HDLBP: variants seen among roughly 807,000 people sequenced by gnomAD.
HDLBP encodes the protein high density lipoprotein binding protein, also known as vigilin.
A neutral mutation model predicts 137.3 loss-of-function variants in HDLBP; 30 were observed. The observed-to-expected ratio is 0.22, with a 90% CI of 0.16 to 0.30. HDLBP has a LOEUF of 0.30. HDLBP is among the 10% of genes least tolerant of loss of function. HDLBP has a pLI of 1.00. For missense variants in HDLBP, 1,119 were observed against 1,667.3 expected (o/e 0.67, Z 5.73); for synonymous variants, 606 against 596.0 (o/e 1.02, Z -0.24).
chr2:241,255,315 C>T, intron 8 of HDLBP, 59 bp downstream of exon 8: 2 of 1,503,818 alleles, frequency 1.3e-6, no homozygotes, highest in East Asian at 2.3e-5. Flanking sequence ...AGAGCTCATC[C>T]ATGAAGGCCC....
Position 241,233,785 on chromosome 2 carries a change from C to T in HDLBP, c.3288+35G>A, listed in dbSNP as rs1336572163. On this transcript the variant is annotated intron_variant, in intron 24 of 27. Transcript: ENST00000310931. This position sits in a 1 kb window ranked among gnomAD's most constrained non-coding sequence, Gnocchi z 4.3. ...AGTCACAGGAAAGGTCAACAAGCACCTCTGCCCCCGACACGCTCCAACCGA... is the reference window on the plus strand; with the variant it reads ...AGTCACAGGAAAGGTCAACAAGCACTTCTGCCCCCGACACGCTCCAACCGA... 10 of 1,613,180 alleles carry T rather than the reference C, an allele frequency of 6.2e-6. No homozygotes were observed. Among genetic ancestry groups the T allele is most frequent in the Non-Finnish European group, 8.5e-6 (10 of 1,179,740 alleles).
At chr2:241,307,597 C>T (rs1311164638) in intron 1 of HDLBP, among the ~76,000 whole-genome samples, 2 of 151,976 alleles carry the variant, frequency 1.3e-5, no homozygotes, top group African/African-American at 2.4e-5. Flanking sequence ...AAACTGGCAA[C>T]CCCCCCATGA....
At chr2:241,246,558 AG>A (rs1490018302) in intron 16 of HDLBP, 193 bp downstream of exon 16, 3 of 579,084 alleles carry the variant, frequency 5.2e-6, no homozygotes, top group Non-Finnish European at 9.1e-6. Flanking sequence ...TGCAGGGTCC[AG>A]GTAAGTAAGT....
chr2:241,301,961 T>C (rs1410702371), intron 1 of HDLBP, among the ~76,000 whole-genome samples: 1 of 151,942 alleles, frequency 6.6e-6, no homozygotes, highest in Non-Finnish European at 1.5e-5. Context: ...CCAGGCACAG[T>C]GGCTCACACC....
intron 2 of HDLBP, among the ~76,000 whole-genome samples, chr2:241,267,397 T>A (rs1417634911): frequency 6.6e-6 from 1 of 152,014 alleles, no homozygotes; most frequent in African/African-American, 2.4e-5. Flanking sequence ...CTTGGGGCAG[T>A]CTGCATCCAT....
At chr2:241,270,618 C>A (rs889200754) in intron 1 of HDLBP, among the ~76,000 whole-genome samples, 1 of 152,178 alleles carries the variant, frequency 6.6e-6, no homozygotes, top group Non-Finnish European at 1.5e-5. Context: ...GCTCCCAATC[C>A]AGTGAGGCAC....
At chr2:241,254,634 G>A (rs370088876) in intron 9 of HDLBP, among the ~76,000 whole-genome samples, 2 of 151,960 alleles carry the variant, frequency 1.3e-5, no homozygotes, top group African/African-American at 2.4e-5. Flanking sequence ...ACAGGTGCCC[G>A]CCACCAAGCC....
At position 241,262,761 on chromosome 2, in the gene HDLBP, C is replaced by G. The variant is rs745470341; in HGVS notation, c.400G>C (p.Asp134His). The G allele has an allele frequency of 6.2e-7, 1 of 1,614,190 alleles. No homozygotes were observed. The highest frequency in any genetic ancestry group is 1.3e-5 in the African/African-American group (1 of 75,048). ...GLSIMVSGKL[D>H]AVMKARKDIV... ...TCCTTCCGAGCTTTCATGACAGCATCCAGCTTTCCTGACACCATGATGGAG... is the reference window on the plus strand; with the variant it reads ...TCCTTCCGAGCTTTCATGACAGCATGCAGCTTTCCTGACACCATGATGGAG... The change falls in exon 5 of 28, where the codon GAT (aspartate) becomes CAT (histidine). Residue 134 changes from aspartate (D) to histidine (H), a missense_variant. Asp to His is a moderately conservative substitution (Grantham distance 81). Around this residue, in one of 4 missense-constraint regions of HDLBP, gnomAD observed 425 missense variants for 693.9 expected, o/e 0.61. Transcript: ENST00000310931.
chr2:241,258,979 C>A (rs1337671924), intron 5 of HDLBP, among the ~76,000 whole-genome samples: 1 of 152,112 alleles, frequency 6.6e-6, no homozygotes, highest in Non-Finnish European at 1.5e-5. Flanking sequence ...GAATCTATCC[C>A]AAGATACACT....
chr2:241,235,162 G>T lies in HDLBP; in HGVS notation c.3103C>A (p.Leu1035Met), dbSNP rs747753675. The change falls in exon 23 of 28, where the codon CTG becomes ATG. Residue 1035 changes from leucine to methionine, a missense_variant. By Grantham distance (15) the Leu-to-Met change is conservative. Transcript: ENST00000310931. ...GCCTGTAGCTCCTTCACACGCTCCA[G>T]CAGTCCAGCCTTGGCCCGGTCCAAA... is the stretch of plus-strand genomic sequence containing the variant. ...ANLDRAKAGL[L>M]ERVKELQAEQ... 1.9e-6 allele frequency: 3 copies of T among 1,613,986 alleles called. No homozygotes were observed. Among genetic ancestry groups the T allele is most frequent in the Non-Finnish European group, 2.5e-6 (3 of 1,180,044 alleles).
Position 241,264,174 on chromosome 2 carries a change from T to C in HDLBP, c.234+274A>G, listed in dbSNP as rs528316497. ...GTCAGGAGATGGAGACCATCCTTGT[T>C]AAGATGGTGAAACCCCGTCTCTACT... On this transcript the variant is annotated intron_variant, in intron 4 of 27. Transcript: ENST00000310931. 5.9e-5 allele frequency among the ~76,000 whole-genome samples: 9 copies of C among 151,634 alleles called. No individual in the cohort carries two copies. In the South Asian group the frequency reaches 1.9e-3, roughly 32 times the overall value.
At chr2:241,295,354 C>CAGAATG (rs2075139103) in intron 1 of HDLBP, among the ~76,000 whole-genome samples, 5 of 152,162 alleles carry the variant, frequency 3.3e-5, no homozygotes. Context: ...TCTAAAGAGA[C>CAGAATG]AGAATGAAGC....
rs1315984933 is a variant in HDLBP at position 241,282,160 on chromosome 2, G to A, written c.-102-13619C>T. On this transcript the variant is annotated intron_variant, in intron 1 of 27. Coordinates refer to ENST00000310931, the MANE Select transcript of HDLBP (RefSeq NM_005336.6). Reference sequence around the variant, plus strand: ...TCTGGGGAAAAGAGGAGCACGTTACGTTTACAGTATTTCCTAAAGGACTCT... The same window carrying A: ...TCTGGGGAAAAGAGGAGCACGTTACATTTACAGTATTTCCTAAAGGACTCT... Among the ~76,000 whole-genome samples the A allele has an allele frequency of 2.0e-5, 3 of 152,194 alleles. No homozygotes were observed. In the East Asian group the frequency reaches 5.8e-4, roughly 29 times the overall value.
chr2:241,234,503 C>T (rs1340539063), intron 23 of HDLBP, among the ~76,000 whole-genome samples: 2 of 152,198 alleles, frequency 1.3e-5, no homozygotes, highest in Non-Finnish European at 2.9e-5. Flanking sequence ...CCAGACTCGA[C>T]GTGCTCACGG....
At chr2:241,268,450 G>A in intron 2 of HDLBP, 27 bp downstream of exon 2, 2 of 985,884 alleles carry the variant, frequency 2.0e-6, no homozygotes, top group Non-Finnish European at 2.4e-6. Flanking sequence ...CCAGGGACAG[G>A]AAGTCTTCAG....
Position 241,239,658 on chromosome 2 carries a change from C to T in HDLBP, c.2554G>A (p.Ala852Thr), listed in dbSNP as rs532145414. 1.2e-6 allele frequency: 2 copies of T among 1,614,186 alleles called. No homozygotes were observed. Among genetic ancestry groups the T allele is most frequent in the Non-Finnish European group, 1.7e-6 (2 of 1,180,024 alleles). The change falls in exon 19 of 28, where the codon GCC becomes ACC. Residue 852 changes from alanine to threonine, a missense_variant. Physicochemically the swap from Ala to Thr is moderately conservative, Grantham distance 58 (BLOSUM62 0). Around this residue, in one of 4 missense-constraint regions of HDLBP, gnomAD observed 618 missense variants for 816.7 expected, o/e 0.76. Transcript: ENST00000310931. This position sits in a 1 kb window ranked among gnomAD's most constrained non-coding sequence, Gnocchi z 4.6. ...TQSDKVTLKG[A>T]KDCVEAAKKR... ...TTGGCTGCCTCCACACAGTCCTTGG[C>T]GCCCTTGAGGGTGACTTTGTCGCTC...
intron 1 of HDLBP, chr2:241,302,613 A>T (rs1258437124): frequency 6.6e-6 from 1 of 152,200 alleles, no homozygotes. Flanking sequence ...TTACACTTGT[A>T]CTGTTGCTTT....
In HDLBP at chr2:241,276,334, G is replaced by GTTCAGCGGTA. The variant is rs1421393137; in HGVS notation, c.-102-7803_-102-7794dup. Among the ~76,000 whole-genome samples the GTTCAGCGGTA allele has an allele frequency of 3.3e-5, 5 of 152,196 alleles. No homozygotes were observed. The East Asian group carries it at 9.6e-4, about 29-fold the overall frequency. ...TTCTAGATCTTGGATTAGGTGGTAG[G>GTTCAGCGGTA]TTCAGCGGTATTCATTACGATGTAC... On this transcript the variant is annotated intron_variant, in intron 1 of 27. Transcript: ENST00000310931.
At chr2:241,295,837 T>G (rs2075157515) in intron 1 of HDLBP, among the ~76,000 whole-genome samples, 1 of 152,142 alleles carries the variant, frequency 6.6e-6, no homozygotes, top group Non-Finnish European at 1.5e-5. Context: ...AGCCAAGGAC[T>G]GTGGGGCAGG....
Sources: gnomAD v4.1 joint callset for allele counts (sites outside exome capture counted in the v4.1 genomes callset) on GRCh38, gnomAD v4.1.1 for gene constraint, gnomAD v4.1.1 regional missense constraint, Gnocchi (gnomAD v3.1) non-coding constraint, MANE v1.5 for transcripts, NCBI Gene and HGNC (gene_info 2026-07-23, HGNC 2026-07-21) for gene names.